AHCYL2: variants seen among roughly 807,000 people sequenced by gnomAD.
AHCYL2 encodes S-adenosylhomocysteine hydrolase-like protein 2.
A neutral mutation model predicts 81.4 loss-of-function variants in AHCYL2; 28 were observed. That is an observed-to-expected ratio of 0.34 (90% CI 0.25 to 0.47). The LOEUF (loss-of-function observed/expected upper bound fraction) is 0.47. Ranked by LOEUF, AHCYL2 falls within the 20% of genes least tolerant of loss-of-function variation. The pLI is 1.00. For missense variants in AHCYL2, 551 were observed against 785.1 expected (o/e 0.70, Z 3.56); for synonymous variants, 272 against 290.2 (o/e 0.94, Z 0.64).
chr7:129,253,561 C>T (rs1377945104), intron 1 of AHCYL2, among the ~76,000 whole-genome samples: 2 of 152,186 alleles, frequency 1.3e-5, no homozygotes, highest in African/African-American at 4.8e-5. Context: ...GACAGCACCT[C>T]AGTTTCTCTG....
rs974557 is a variant in AHCYL2, at chr7:129,387,454, G to A, written c.476-1602G>A. On this transcript the variant is annotated intron_variant, in intron 2 of 16. Coordinates refer to ENST00000325006, the MANE Select transcript of AHCYL2 (RefSeq NM_015328.4). ...AAGACTGACTCCAGAACACATGACC[G>A]CTATATTTAAATGGCCATTGGGAAG... Among the ~76,000 whole-genome samples the A allele has an allele frequency of 5.3e-3, 814 of 152,270 alleles. 8 individuals are homozygous for A. Among genetic ancestry groups the A allele is most frequent in the African/African-American group, 0.019 (777 of 41,552 alleles).
intron 13 of AHCYL2, among the ~76,000 whole-genome samples, chr7:129,424,498 G>A (rs1797266920): frequency 6.6e-6 from 1 of 152,150 alleles, no homozygotes; most frequent in South Asian, 2.1e-4. Context: ...GGATTTGACT[G>A]ATCATTGTTT....
At chr7:129,405,391 TTTTCTA>T in intron 8 of AHCYL2, 178 bp downstream of exon 8, 1 of 420,366 alleles carries the variant, frequency 2.4e-6, no homozygotes, top group Admixed American at 4.0e-5. Context: ...CCTTTGTATC[TTTTCTA>T]TTTCTAAATA....
chr7:129,370,684 T>C (rs920864967), intron 1 of AHCYL2, among the ~76,000 whole-genome samples: 7 of 152,174 alleles, frequency 4.6e-5, no homozygotes, highest in Admixed American at 2.6e-4. Flanking sequence ...GGCGACAGGG[T>C]GAGACTCCGT....
intron 1 of AHCYL2, among the ~76,000 whole-genome samples, chr7:129,280,465 G>A (rs535796929): frequency 6.6e-6 from 1 of 152,130 alleles, no homozygotes; most frequent in East Asian, 1.9e-4. Context: ...CACTATGCTC[G>A]GCCCTAAATT....
At chr7:129,383,342 A>T (rs992131343) in intron 2 of AHCYL2, among the ~76,000 whole-genome samples, 2 of 151,594 alleles carry the variant, frequency 1.3e-5, no homozygotes, top group Admixed American at 6.6e-5. Flanking sequence ...ATTTTTTAAA[A>T]TTTTTTTGTA....
intron 1 of AHCYL2, among the ~76,000 whole-genome samples, chr7:129,299,397 T>G (rs1331085363): frequency 3.1e-5 from 2 of 65,554 alleles, no homozygotes; most frequent in African/African-American, 1.5e-4. Context: ...TTTTTTTTTT[T>G]TTTTTTTTTT....
intron 1 of AHCYL2, among the ~76,000 whole-genome samples, chr7:129,350,377 ATGTAGTCT>A (rs1468177939): frequency 6.6e-6 from 1 of 151,852 alleles, no homozygotes; most frequent in Non-Finnish European, 1.5e-5. Context: ...CATTCAATAA[ATGTAGTCT>A]TTTTTTTTTT....
At chr7:129,302,211 T>G (rs1393518831) in intron 1 of AHCYL2, among the ~76,000 whole-genome samples, 1 of 152,212 alleles carries the variant, frequency 6.6e-6, no homozygotes, top group African/African-American at 2.4e-5. Flanking sequence ...TGCTAGTGAC[T>G]TTTGTGTGTT....
chr7:129,355,850 G>A (rs185734320), intron 1 of AHCYL2, among the ~76,000 whole-genome samples: 110 of 152,244 alleles, frequency 7.2e-4, no homozygotes, highest in African/African-American at 2.5e-3. Context: ...GAACTAATTG[G>A]AATATTCCCT....
chr7:129,309,562 G>T (rs1286111054), intron 1 of AHCYL2, among the ~76,000 whole-genome samples: 1 of 152,080 alleles, frequency 6.6e-6, no homozygotes, highest in African/African-American at 2.4e-5. Context: ...TGAAAGAAAA[G>T]AAAATTTATG....
intron 1 of AHCYL2, among the ~76,000 whole-genome samples, chr7:129,262,390 C>G (rs1298749016): frequency 1.3e-5 from 2 of 152,144 alleles, no homozygotes; most frequent in African/African-American, 4.8e-5. Flanking sequence ...TTATGGGTTG[C>G]ATGTACAGAG....
Position 129,247,621 on chromosome 7 carries a change from G to C in AHCYL2, c.363+22182G>C, listed in dbSNP as rs2150698288. 2.0e-5 allele frequency among the ~76,000 whole-genome samples: 3 copies of C among 150,016 alleles called. 1 individual carries two copies. The Middle Eastern group carries it at 0.01, about 514-fold the overall frequency. On this transcript the variant is annotated intron_variant, in intron 1 of 16. Coordinates refer to ENST00000325006, the MANE Select transcript of AHCYL2 (RefSeq NM_015328.4). ...GATTGTACTTTTTTTTTCCCCCCAA[G>C]ACAAGGCCTCATTCTGTCACCCAGT...
chr7:129,406,738 T>G lies in AHCYL2; in HGVS notation c.1295+272T>G, dbSNP rs769196027. On this transcript the variant is annotated intron_variant, in intron 10 of 16. Coordinates refer to ENST00000325006, the MANE Select transcript of AHCYL2 (RefSeq NM_015328.4). This position sits in a 1 kb window ranked among gnomAD's most constrained non-coding sequence, Gnocchi z 4.3. ...CCCTTACCTTCTCCATGTATGATACTTGCCTTTCAAATAATGATCAGAAAA... is the reference window on the plus strand; with the variant it reads ...CCCTTACCTTCTCCATGTATGATACGTGCCTTTCAAATAATGATCAGAAAA... Among the ~76,000 whole-genome samples, 2 of 152,190 alleles carry G rather than the reference T, an allele frequency of 1.3e-5. No individual in the cohort carries two copies. Among genetic ancestry groups the G allele is most frequent in the Non-Finnish European group, 2.9e-5 (2 of 68,036 alleles).
chr7:129,328,162 T>G (rs549208943), intron 1 of AHCYL2, among the ~76,000 whole-genome samples: 1 of 152,158 alleles, frequency 6.6e-6, no homozygotes, highest in African/African-American at 2.4e-5. Context: ...TTATGCTGCA[T>G]TTCCTGATTT....
chr7:129,288,596 G>A (rs148186877), intron 1 of AHCYL2, among the ~76,000 whole-genome samples: 4,066 of 151,958 alleles, frequency 0.027, 214 homozygotes, highest in East Asian at 0.17. Flanking sequence ...CTGACCTCAA[G>A]TGATCTGCCT....
chr7:129,383,023 C>T (rs1466722984), intron 2 of AHCYL2, among the ~76,000 whole-genome samples: 5 of 152,116 alleles, frequency 3.3e-5, no homozygotes, highest in African/African-American at 1.2e-4. Context: ...ACTCATTTAT[C>T]TCATAGGTTT....
Position 129,273,021 on chromosome 7 carries a change from C to T in AHCYL2, c.363+47582C>T, listed in dbSNP as rs1796072723. ...GATCAAGTGATTCTCCTGCCTCAACCTCCTGAGTAGCTGGGATTACAGGTG... is the reference window on the plus strand; with the variant it reads ...GATCAAGTGATTCTCCTGCCTCAACTTCCTGAGTAGCTGGGATTACAGGTG... On this transcript the variant is annotated intron_variant, in intron 1 of 16. Coordinates refer to ENST00000325006, the MANE Select transcript of AHCYL2 (RefSeq NM_015328.4). 2.6e-5 allele frequency among the ~76,000 whole-genome samples: 4 copies of T among 152,132 alleles called. No homozygotes were observed. In the South Asian group the frequency reaches 8.3e-4, roughly 32 times the overall value.
At chr7:129,227,586 G>A in intron 1 of AHCYL2, among the ~76,000 whole-genome samples, 1 of 146,114 alleles carries the variant, frequency 6.8e-6, no homozygotes, top group Non-Finnish European at 1.5e-5. Flanking sequence ...TCTAGCCTGG[G>A]TGCTGGAGTG....
Sources: gnomAD v4.1 joint callset for allele counts (sites outside exome capture counted in the v4.1 genomes callset) on GRCh38, gnomAD v4.1.1 for gene constraint, Gnocchi (gnomAD v3.1) non-coding constraint, MANE v1.5 for transcripts, NCBI Gene and HGNC (gene_info 2026-07-23, HGNC 2026-07-21) for gene names.